The following CCSER1 variants were observed in gnomAD, a reference collection of about 807,000 sequenced individuals.
The protein encoded by CCSER1 is serine-rich coiled-coil domain-containing protein 1.
CCSER1 carries 41 observed loss-of-function variants against 82.0 expected under a neutral mutation model. That is an observed-to-expected ratio of 0.50 (90% CI 0.39 to 0.65). The LOEUF is 0.65. Ranked by LOEUF, CCSER1 falls within the 30% of genes least tolerant of loss-of-function variation. The pLI is 0.00. For synonymous variants in CCSER1, 414 were observed against 383.9 expected, an observed-to-expected ratio of 1.08 and a Z score of -0.92; for missense variants, 1,119 against 1,064.2, an observed-to-expected ratio of 1.05 and a Z score of -0.72.
At chr4:91,237,145 A>C (rs1419072243) in intron 10 of CCSER1, among the ~76,000 whole-genome samples, 1 of 152,084 alleles carries the variant, frequency 6.6e-6, no homozygotes, top group Non-Finnish European at 1.5e-5. Context: ...TTTTCATTGC[A>C]ATAAAATCAA....
At position 90,628,051 on chromosome 4, in the gene CCSER1, A is replaced by G. The variant is rs368111669; in HGVS notation, c.1751A>G (p.Asp584Gly). ...KQNLSLKLTKDVDQEARCSHI... is the reference protein window; with the variant it reads ...KQNLSLKLTKGVDQEARCSHI... ...AATCTTTCCCTGAAATTAACAAAGGACGTTGATCAAGAAGCCAGGTGTTCC... is the reference window on the plus strand; with the variant it reads ...AATCTTTCCCTGAAATTAACAAAGGGCGTTGATCAAGAAGCCAGGTGTTCC... Residue 584 changes from aspartate (D) to glycine (G), a missense_variant, in exon 6 of 11, where the codon GAC becomes GGC. Coordinates refer to ENST00000509176, the MANE Select transcript of CCSER1 (RefSeq NM_001145065.2). The G allele has an allele frequency of 2.5e-6, 4 of 1,613,144 alleles. No individual in the cohort carries two copies. Among genetic ancestry groups the G allele is most frequent in the Non-Finnish European group, 3.4e-6 (4 of 1,179,584 alleles).
At chr4:90,468,395 A>C (rs867730240) in intron 5 of CCSER1, 41 bp downstream of exon 5, 1 of 1,550,210 alleles carries the variant, frequency 6.5e-7, no homozygotes, top group Non-Finnish European at 8.8e-7. Context: ...TGTAAAATCA[A>C]TTAGATAACT....
chr4:91,157,770 C>A (rs1391616876), intron 10 of CCSER1, among the ~76,000 whole-genome samples: 1 of 151,984 alleles, frequency 6.6e-6, no homozygotes, highest in Non-Finnish European at 1.5e-5. Flanking sequence ...CCCTATCCCC[C>A]TGGCATATTA....
intron 10 of CCSER1, among the ~76,000 whole-genome samples, chr4:91,180,711 C>G (rs191483628): frequency 1.3e-5 from 2 of 151,930 alleles, no homozygotes; most frequent in Admixed American, 1.3e-4. Context: ...CAGGGAGACC[C>G]TAACTCAGCG....
At chr4:90,924,673 T>C (rs1040416803) in intron 9 of CCSER1, among the ~76,000 whole-genome samples, 1 of 152,140 alleles carries the variant, frequency 6.6e-6, no homozygotes, top group African/African-American at 2.4e-5. Flanking sequence ...TCAATATTGG[T>C]CTTTTGTGAG....
At chr4:90,748,775 C>T (rs1276034301) in intron 7 of CCSER1, among the ~76,000 whole-genome samples, 2 of 150,262 alleles carry the variant, frequency 1.3e-5, no homozygotes, top group African/African-American at 4.9e-5. Context: ...ATGTGCATTT[C>T]TCTGATGGCC....
intron 5 of CCSER1, among the ~76,000 whole-genome samples, chr4:90,508,433 T>G (rs554741692): frequency 1.3e-5 from 2 of 152,168 alleles, no homozygotes; most frequent in South Asian, 4.1e-4. Context: ...ACTTGTTATC[T>G]TGCTCACATG....
intron 1 of CCSER1, among the ~76,000 whole-genome samples, chr4:90,199,042 C>A (rs918533132): frequency 6.6e-6 from 1 of 152,068 alleles, no homozygotes; most frequent in South Asian, 2.1e-4. Context: ...CATTTTCAAG[C>A]GTCTGATACA....
chr4:90,963,625 C>A (rs1433744687), intron 9 of CCSER1, among the ~76,000 whole-genome samples: 1 of 151,868 alleles, frequency 6.6e-6, no homozygotes, highest in Non-Finnish European at 1.5e-5. Context: ...CATTTGAGGG[C>A]ACAGTGAGAA....
intron 5 of CCSER1, among the ~76,000 whole-genome samples, chr4:90,498,824 T>C (rs1406104850): frequency 6.6e-6 from 1 of 152,148 alleles, no homozygotes; most frequent in Non-Finnish European, 1.5e-5. Flanking sequence ...TTACAAGTCT[T>C]ATATTGTTTT....
chr4:90,248,392 C>T (rs1351272442), intron 1 of CCSER1, among the ~76,000 whole-genome samples: 1 of 152,162 alleles, frequency 6.6e-6, no homozygotes, highest in Non-Finnish European at 1.5e-5. Flanking sequence ...GACTGTATTC[C>T]TTGCTTCTGG....
chr4:90,322,470 G>A lies in CCSER1; in HGVS notation c.1509+9423G>A, dbSNP rs564263509. ...TGGTTTTGGCTATTCTGGGTATTTT[G>A]AATTGTTACATCAAAATTTTAGGAT... is the stretch of plus-strand genomic sequence containing the variant. On this transcript the variant is annotated intron_variant, in intron 3 of 10. Coordinates refer to ENST00000509176, the MANE Select transcript of CCSER1 (RefSeq NM_001145065.2). Among the ~76,000 whole-genome samples, 285 of 152,134 alleles carry A rather than the reference G, an allele frequency of 1.9e-3. 4 individuals are homozygous for A. Among genetic ancestry groups the A allele is most frequent in the East Asian group, 6.6e-3 (34 of 5,180 alleles).
At chr4:90,673,889 G>A (rs1290957338) in intron 6 of CCSER1, among the ~76,000 whole-genome samples, 1 of 151,952 alleles carries the variant, frequency 6.6e-6, no homozygotes, top group Admixed American at 6.6e-5. Flanking sequence ...GCCAGTAATT[G>A]GGGTGACCAT....
At chr4:91,573,201 G>A (rs1763277599) in intron 10 of CCSER1, among the ~76,000 whole-genome samples, 1 of 152,126 alleles carries the variant, frequency 6.6e-6, no homozygotes, top group East Asian at 1.9e-4. Context: ...ATTGGCTAAG[G>A]CACCCAAACA....
At chr4:90,780,567 TTC>T in intron 7 of CCSER1, 1 of 1,543,268 alleles carries the variant, frequency 6.5e-7, no homozygotes, top group East Asian at 2.3e-5. Flanking sequence ...TAAAGACTCT[TTC>T]CATCCAGTTC....
chr4:90,413,991 T>A (rs1411508333), intron 4 of CCSER1, among the ~76,000 whole-genome samples: 10 of 104,996 alleles, frequency 9.5e-5, no homozygotes, highest in African/African-American at 1.6e-4. Flanking sequence ...AATATATATA[T>A]ATATATATAT....
At chr4:90,920,679 C>A (rs1475981954) in intron 8 of CCSER1, among the ~76,000 whole-genome samples, 3 of 151,852 alleles carry the variant, frequency 2.0e-5, no homozygotes, top group Non-Finnish European at 4.4e-5. Context: ...ACACCTCGGG[C>A]TCTCTCCGTG....
chr4:90,555,379 C>T (rs976879195), intron 5 of CCSER1, among the ~76,000 whole-genome samples: 10 of 151,900 alleles, frequency 6.6e-5, no homozygotes, highest in Non-Finnish European at 4.4e-5. Context: ...TATTCAGTTG[C>T]TTTTGTTGGT....
intron 7 of CCSER1, among the ~76,000 whole-genome samples, chr4:90,809,865 C>G (rs886071938): frequency 5.9e-5 from 9 of 151,586 alleles, no homozygotes; most frequent in African/African-American, 2.2e-4. Flanking sequence ...GCACTCCAGA[C>G]TACTAGACAG....
Sources: allele counts gnomAD v4.1 joint callset (sites outside exome capture counted in the v4.1 genomes callset), GRCh38; gene constraint gnomAD v4.1.1; transcripts MANE v1.5; gene names NCBI Gene and HGNC (gene_info 2026-07-23, HGNC 2026-07-21).